The following SLC8A1 variants were observed in gnomAD, a reference collection of about 807,000 sequenced individuals.
The protein encoded by SLC8A1 is solute carrier family 8 member A1.
Under a neutral mutation model 68.3 loss-of-function variants are expected in SLC8A1, and 18 were observed. The ratio of observed to expected loss-of-function variants is 0.26; its 90% CI spans 0.18 to 0.39. The LOEUF (loss-of-function observed/expected upper bound fraction) is 0.39, where lower values mean the gene tolerates loss of function less well. SLC8A1 is among the 10% of genes least tolerant of loss of function. The probability of loss-of-function intolerance (pLI) is 1.00; values close to 1 mark genes in which losing one functional copy is unlikely to be tolerated. For synonymous variants in SLC8A1, 475 were observed against 415.5 expected, an observed-to-expected ratio of 1.14 and a Z score of -1.74; for missense variants, 985 against 1,156.7, an observed-to-expected ratio of 0.85 and a Z score of 2.15.
intron 6 of SLC8A1, among the ~76,000 whole-genome samples, chr2:40,155,293 C>A (rs1267937108): frequency 6.6e-6 from 1 of 152,038 alleles, no homozygotes; most frequent in Admixed American, 6.6e-5. Context: ...CCACGCCTGG[C>A]TAATTTTTTG....
At chr2:40,332,509 T>C (rs1315393594) in intron 2 of SLC8A1, among the ~76,000 whole-genome samples, 1 of 152,152 alleles carries the variant, frequency 6.6e-6, no homozygotes, top group African/African-American at 2.4e-5. Flanking sequence ...AACTCCAGTC[T>C]TCCCTCAACT....
chr2:40,370,911 AG>A (rs1413306607), intron 2 of SLC8A1, among the ~76,000 whole-genome samples: 2 of 152,094 alleles, frequency 1.3e-5, no homozygotes, highest in African/African-American at 4.8e-5. Context: ...AGCCAAGGTC[AG>A]TGCATTTTAT....
chr2:40,496,577 A>T (rs1379665956), intron 1 of SLC8A1, among the ~76,000 whole-genome samples: 1 of 152,050 alleles, frequency 6.6e-6, no homozygotes, highest in African/African-American at 2.4e-5. Flanking sequence ...CATTACAAGC[A>T]GGGTATTCAA....
chr2:40,497,398 G>A lies in SLC8A1; in HGVS notation c.-25+14951C>T, dbSNP rs551429558. 4.6e-5 allele frequency among the ~76,000 whole-genome samples: 7 copies of A among 152,134 alleles called. No homozygotes were observed. In the East Asian group the frequency reaches 1.4e-3, roughly 30 times the overall value. On this transcript the variant is annotated intron_variant, in intron 1 of 7. Coordinates refer to the SLC8A1 transcript ENST00000402441. Reference sequence around the variant, plus strand: ...TTGATATACACCCTCAAGGCACTTAGAGTCTAATGAGGAGATAGAAAAATA... The same window carrying A: ...TTGATATACACCCTCAAGGCACTTAAAGTCTAATGAGGAGATAGAAAAATA...
intron 2 of SLC8A1, among the ~76,000 whole-genome samples, chr2:40,330,044 T>G (rs1486251750): frequency 3.3e-5 from 5 of 152,044 alleles, no homozygotes; most frequent in African/African-American, 1.2e-4. Context: ...TAAAAACGGG[T>G]GTGGAGCTTA....
At chr2:40,303,001 T>A (rs2071814100) in intron 2 of SLC8A1, among the ~76,000 whole-genome samples, 1 of 152,142 alleles carries the variant, frequency 6.6e-6, no homozygotes, top group Non-Finnish European at 1.5e-5. Context: ...GATCTAAACA[T>A]TTAGAAGAGG....
intron 2 of SLC8A1, among the ~76,000 whole-genome samples, chr2:40,337,957 G>C (rs371921224): frequency 6.6e-6 from 1 of 152,060 alleles, no homozygotes; most frequent in Non-Finnish European, 1.5e-5. Flanking sequence ...TAGAGGAAAG[G>C]GTGTTGAGGC....
At chr2:40,193,917 TAAAG>T (rs1426350200) in intron 2 of SLC8A1, among the ~76,000 whole-genome samples, 3 of 152,098 alleles carry the variant, frequency 2.0e-5, no homozygotes, top group African/African-American at 4.8e-5. Context: ...GCTGAATAAA[TAAAG>T]AAAAGTTGCT....
chr2:40,429,915 G>T (rs574101660), exon 2 of SLC8A1: 4 of 1,613,386 alleles, frequency 2.5e-6, no homozygotes, highest in East Asian at 2.2e-5. Context: ...TTGTCTTGGT[G>T]GTCTCTCCAT....
chr2:40,313,432 A>G (rs963155511), intron 2 of SLC8A1, among the ~76,000 whole-genome samples: 1 of 152,116 alleles, frequency 6.6e-6, no homozygotes, highest in Non-Finnish European at 1.5e-5. Flanking sequence ...ACCAAGGTGT[A>G]GAATGGCTGG....
chr2:40,366,196 A>C (rs1444390828), intron 2 of SLC8A1, among the ~76,000 whole-genome samples: 1 of 152,084 alleles, frequency 6.6e-6, no homozygotes, highest in African/African-American at 2.4e-5. Flanking sequence ...GCTAATACAC[A>C]TGAGTACTTA....
chr2:40,133,119 A>G (rs966074964), intron 7 of SLC8A1, among the ~76,000 whole-genome samples: 2 of 152,168 alleles, frequency 1.3e-5, no homozygotes, highest in African/African-American at 4.8e-5. Context: ...ACAGGCCCAG[A>G]GAGTCAAGAA....
intron 1 of SLC8A1, among the ~76,000 whole-genome samples, chr2:40,476,702 C>A (rs570388657): frequency 6.6e-6 from 1 of 152,186 alleles, no homozygotes; most frequent in East Asian, 1.9e-4. Flanking sequence ...GTGGTTAGTG[C>A]CAAATACATG....
At position 40,208,841 on chromosome 2, in the gene SLC8A1, T is replaced by G. The variant is rs1455348548; in HGVS notation, c.1809-30986A>C. Among the ~76,000 whole-genome samples the G allele has an allele frequency of 2.0e-5, 3 of 152,262 alleles. No individual in the cohort carries two copies. In the East Asian group the frequency reaches 5.8e-4, roughly 30 times the overall value. ...TAGGCTTTAATGCACTTTAAAGAAT[T>G]CAGAACACTGAGCACCAATAAATGC... On this transcript the variant is annotated intron_variant, in intron 2 of 7. Coordinates refer to ENST00000406785, the Ensembl canonical transcript of SLC8A1.
At chr2:40,284,593 G>T (rs1230677911) in intron 2 of SLC8A1, among the ~76,000 whole-genome samples, 2 of 146,034 alleles carry the variant, frequency 1.4e-5, no homozygotes, top group Non-Finnish European at 3.0e-5. Flanking sequence ...TAGATATTTT[G>T]TTATTACATT....
chr2:40,396,636 T>C (rs1686981271), intron 2 of SLC8A1, among the ~76,000 whole-genome samples: 1 of 151,332 alleles, frequency 6.6e-6, no homozygotes, highest in African/African-American at 2.4e-5. Context: ...ATTAATTCAT[T>C]AAATATTTCT....
intron 1 of SLC8A1, among the ~76,000 whole-genome samples, chr2:40,441,963 C>T (rs1042652898): frequency 6.9e-6 from 1 of 144,858 alleles, no homozygotes; most frequent in African/African-American, 2.6e-5. Context: ...AAGAAACTAG[C>T]ATCGTTTTCT....
intron 2 of SLC8A1, among the ~76,000 whole-genome samples, chr2:40,384,931 C>G (rs1008804718): frequency 5.3e-5 from 8 of 151,938 alleles, no homozygotes; most frequent in Non-Finnish European, 1.0e-4. Context: ...ACAAGGATTG[C>G]ATAATCAAGG....
chr2:40,307,511 C>A (rs1399400645), intron 2 of SLC8A1, among the ~76,000 whole-genome samples: 1 of 152,014 alleles, frequency 6.6e-6, no homozygotes, highest in East Asian at 1.9e-4. Context: ...TTAAGATGGT[C>A]AGGATAGTAA....
Sources: gnomAD v4.1 joint callset for allele counts (sites outside exome capture counted in the v4.1 genomes callset) on GRCh38, gnomAD v4.1.1 for gene constraint, MANE v1.5 for transcripts, NCBI Gene and HGNC (gene_info 2026-07-23, HGNC 2026-07-21) for gene names.